The following ROBO2 variants were observed in gnomAD, a reference collection of about 807,000 sequenced individuals.
ROBO2 encodes the protein roundabout homolog 2.
Under a neutral mutation model 160.8 loss-of-function variants are expected in ROBO2, and 53 were observed. The observed-to-expected ratio is 0.33, with a 90% CI of 0.26 to 0.41. The LOEUF (loss-of-function observed/expected upper bound fraction) is 0.41, where lower values mean the gene tolerates loss of function less well. Among genes scored for constraint, ROBO2 ranks in the 10% least tolerant of loss-of-function variants. The pLI, the probability that ROBO2 is intolerant of heterozygous loss-of-function variation, is 1.00. For missense variants in ROBO2, 1,577 were observed against 1,722.4 expected (o/e 0.92, Z 1.49); for synonymous variants, 664 against 611.7 (o/e 1.09, Z -1.26).
chr3:76,507,690 T>C (rs1459405916), intron 2 of ROBO2, among the ~76,000 whole-genome samples: 2 of 152,064 alleles, frequency 1.3e-5, no homozygotes, highest in East Asian at 3.9e-4. Context: ...AGTACTGTCA[T>C]TACCCATATT....
At chr3:77,550,171 A>T (rs990743139) in intron 7 of ROBO2, among the ~76,000 whole-genome samples, 1 of 152,078 alleles carries the variant, frequency 6.6e-6, no homozygotes, top group Non-Finnish European at 1.5e-5. Flanking sequence ...GTTTAAGGTA[A>T]CACACTTTTA....
intron 21 of ROBO2, among the ~76,000 whole-genome samples, chr3:77,613,832 T>A (rs2094705379): frequency 6.6e-6 from 1 of 152,146 alleles, no homozygotes; most frequent in Admixed American, 6.5e-5. Context: ...AAACCAGCAC[T>A]GGAAATGACA....
intron 19 of ROBO2, among the ~76,000 whole-genome samples, chr3:77,600,794 A>C (rs1026052102): frequency 6.6e-6 from 1 of 152,226 alleles, no homozygotes; most frequent in African/African-American, 2.4e-5. Flanking sequence ...CAGTATGCTT[A>C]ACATCAAATT....
intron 2 of ROBO2, among the ~76,000 whole-genome samples, chr3:76,253,936 G>C (rs1425098954): frequency 6.6e-6 from 1 of 151,794 alleles, no homozygotes; most frequent in Non-Finnish European, 1.5e-5. Flanking sequence ...CAAATTTTTA[G>C]AAACCATAAG....
intron 2 of ROBO2, among the ~76,000 whole-genome samples, chr3:76,731,716 C>T (rs1269045428): frequency 1.3e-5 from 2 of 152,114 alleles, no homozygotes; most frequent in African/African-American, 4.8e-5. Flanking sequence ...AATCAAAGAG[C>T]CTGAACAAGA....
intron 2 of ROBO2, among the ~76,000 whole-genome samples, chr3:76,114,690 C>T (rs1032526038): frequency 6.6e-6 from 1 of 152,078 alleles, no homozygotes; most frequent in Non-Finnish European, 1.5e-5. Flanking sequence ...TTGGAGCCCA[C>T]ATACTTTTCA....
In ROBO2 at chr3:76,692,909, A is replaced by AGT. The variant is rs1303457040; in HGVS notation, c.110-405096_110-405095dup. Reference sequence around the variant, plus strand: ...TCTCTCTCTCTCTCTCTATATATATAGTGTGTGTGTATCTATATATAGTGT... The same window carrying AGT: ...TCTCTCTCTCTCTCTCTATATATATAGTGTGTGTGTGTATCTATATATAGTGT... On this transcript the variant is annotated intron_variant, in intron 2 of 26. Coordinates refer to the ROBO2 transcript ENST00000487694. Among the ~76,000 whole-genome samples the AGT allele has an allele frequency of 1.0e-3, 151 of 151,398 alleles. 1 individual carries two copies. The highest frequency in any genetic ancestry group is 3.4e-3 in the African/African-American group (142 of 41,322).
At chr3:76,599,169 C>G (rs2086935679) in intron 2 of ROBO2, among the ~76,000 whole-genome samples, 1 of 152,090 alleles carries the variant, frequency 6.6e-6, no homozygotes, top group South Asian at 2.1e-4. Context: ...ATTTCATCAC[C>G]CATGTACTAA....
At chr3:76,636,209 G>A (rs2090323688) in intron 2 of ROBO2, among the ~76,000 whole-genome samples, 2 of 152,078 alleles carry the variant, frequency 1.3e-5, no homozygotes, top group South Asian at 4.1e-4. Flanking sequence ...TAATGACATT[G>A]AGACAAGAAA....
At chr3:76,052,890 A>C (rs989890928) in intron 2 of ROBO2, among the ~76,000 whole-genome samples, 1 of 152,060 alleles carries the variant, frequency 6.6e-6, no homozygotes. Context: ...CTCATGTTAA[A>C]TTGACTAGGG....
chr3:77,348,549 G>A lies in ROBO2; in HGVS notation c.389-128865G>A, dbSNP rs564011376. Among the ~76,000 whole-genome samples, 20 of 152,186 alleles carry A rather than the reference G, an allele frequency of 1.3e-4. 1 individual carries two copies. Among genetic ancestry groups the A allele is most frequent in the African/African-American group, 4.6e-4 (19 of 41,532 alleles). On this transcript the variant is annotated intron_variant, in intron 2 of 25. Transcript: ENST00000461745. ...GTGACTTAGAATGACTAACTGTATG[G>A]GAATACAGCCCGGTAAGTTTCAGCC...
chr3:76,800,532 T>C lies in ROBO2; in HGVS notation c.110-297482T>C, dbSNP rs530802979. The stretch of plus-strand genomic sequence containing the variant: ...CTCAAAAAGCTCTAGAGGAAAAAAA[T>C]CTAATAATCTGATTTAAAAATAGGG... On this transcript the variant is annotated intron_variant, in intron 2 of 26. Coordinates refer to the ROBO2 transcript ENST00000487694. Among the ~76,000 whole-genome samples, 31 of 152,060 alleles carry C rather than the reference T, an allele frequency of 2.0e-4. No homozygotes were observed. In the South Asian group the frequency reaches 3.3e-3, roughly 16 times the overall value.
chr3:77,146,170 G>A (rs2077104244), intron 2 of ROBO2, among the ~76,000 whole-genome samples: 1 of 152,154 alleles, frequency 6.6e-6, no homozygotes, highest in Admixed American at 6.5e-5. Context: ...GCCACAATCA[G>A]CGAGATACAC....
At chr3:75,962,024 A>G (rs1423513834) in intron 2 of ROBO2, among the ~76,000 whole-genome samples, 1 of 151,542 alleles carries the variant, frequency 6.6e-6, no homozygotes, top group Non-Finnish European at 1.5e-5. Context: ...AAAAGAAGAC[A>G]TTAAAGTAGT....
intron 2 of ROBO2, among the ~76,000 whole-genome samples, chr3:76,575,535 C>T (rs145580289): frequency 4.1e-4 from 62 of 152,014 alleles, no homozygotes; most frequent in African/African-American, 1.4e-3. Flanking sequence ...TTGTCATAGG[C>T]AAGTATTTTT....
rs1847257 is a variant in ROBO2 at position 76,388,833 on chromosome 3, T to A, written c.109+451231T>A. Among the ~76,000 whole-genome samples, 851 of 152,158 alleles carry A rather than the reference T, an allele frequency of 5.6e-3. 6 individuals are homozygous for A. The highest frequency in any genetic ancestry group is 0.019 in the African/African-American group (798 of 41,526). On this transcript the variant is annotated intron_variant, in intron 2 of 26. Transcript: ENST00000487694. Reference sequence around the variant, plus strand: ...TCCATAAATATTTATTGTTTTATGCTTATAGATATTATCAGTGATAAATAG... The same window carrying A: ...TCCATAAATATTTATTGTTTTATGCATATAGATATTATCAGTGATAAATAG...
intron 2 of ROBO2, among the ~76,000 whole-genome samples, chr3:77,013,681 A>G (rs1186430091): frequency 2.0e-5 from 3 of 152,154 alleles, no homozygotes; most frequent in Non-Finnish European, 4.4e-5. Flanking sequence ...AGCTTATAAC[A>G]AACTTTAATT....
intron 2 of ROBO2, among the ~76,000 whole-genome samples, chr3:76,220,417 T>C (rs942408310): frequency 6.6e-6 from 1 of 152,100 alleles, no homozygotes; most frequent in South Asian, 2.1e-4. Flanking sequence ...GACTAGGATG[T>C]AAAAGCTCGA....
chr3:76,447,491 T>C (rs908038451), intron 2 of ROBO2, among the ~76,000 whole-genome samples: 24 of 148,272 alleles, frequency 1.6e-4, no homozygotes, highest in Non-Finnish European at 2.2e-4. Flanking sequence ...TGGCGATTCC[T>C]CAGGGATCTA....
Sources: allele counts gnomAD v4.1 joint callset (sites outside exome capture counted in the v4.1 genomes callset), GRCh38; gene constraint gnomAD v4.1.1; transcripts MANE v1.5; gene names NCBI Gene and HGNC (gene_info 2026-07-23, HGNC 2026-07-21).